PDE11A: variants seen among roughly 807,000 people sequenced by gnomAD.
The protein encoded by PDE11A is phosphodiesterase 11A, also known as dual 3',5'-cyclic-AMP and -GMP phosphodiesterase 11A.
A neutral mutation model predicts 100.5 loss-of-function variants in PDE11A; 100 were observed. The ratio of observed to expected loss-of-function variants is 1.00; its 90% confidence interval spans 0.85 to 1.18. The LOEUF is 1.18. Among genes scored for constraint, PDE11A ranks in the 50% most tolerant of loss-of-function variants. PDE11A has a pLI of 0.00. For missense variants in PDE11A, 1,141 were observed against 1,152.6 expected (o/e 0.99, Z 0.15); for synonymous variants, 381 against 420.8 (o/e 0.91, Z 1.16).
chr2:178,048,379 C>T (rs889912658), intron 1 of PDE11A, among the ~76,000 whole-genome samples: 11 of 152,018 alleles, frequency 7.2e-5, no homozygotes, highest in African/African-American at 2.2e-4. Flanking sequence ...CTCAATGTTC[C>T]GTGTATAACA....
intron 1 of PDE11A, among the ~76,000 whole-genome samples, chr2:178,107,612 G>A (rs1329483498): frequency 6.6e-6 from 1 of 151,662 alleles, no homozygotes; most frequent in Non-Finnish European, 1.5e-5. Flanking sequence ...TGTAGAAAAC[G>A]AGGCAAACAG....
At chr2:177,803,978 A>G (rs2082830400) in intron 9 of PDE11A, among the ~76,000 whole-genome samples, 1 of 151,946 alleles carries the variant, frequency 6.6e-6, no homozygotes, top group South Asian at 2.1e-4. Flanking sequence ...CTGATTAAAG[A>G]CCTAAATGTA....
chr2:177,860,227 A>G (rs952156044), intron 5 of PDE11A, among the ~76,000 whole-genome samples: 2 of 151,778 alleles, frequency 1.3e-5, no homozygotes, highest in Admixed American at 1.3e-4. Context: ...TTGCCAAAAA[A>G]AAAAAGAGAG....
intron 10 of PDE11A, among the ~76,000 whole-genome samples, chr2:177,746,894 T>C (rs966245093): frequency 3.9e-5 from 6 of 152,174 alleles, no homozygotes; most frequent in Non-Finnish European, 5.9e-5. Context: ...ACTGGGATTA[T>C]CTAACATTAG....
At chr2:178,082,678 G>A (rs2087302143) in intron 2 of PDE11A, among the ~76,000 whole-genome samples, 1 of 152,156 alleles carries the variant, frequency 6.6e-6, no homozygotes, top group Non-Finnish European at 1.5e-5. Context: ...CCTTCGTGGG[G>A]CCCACGTACA....
chr2:177,909,530 C>T (rs1182792883), intron 2 of PDE11A, among the ~76,000 whole-genome samples: 1 of 152,198 alleles, frequency 6.6e-6, no homozygotes, highest in Non-Finnish European at 1.5e-5. Flanking sequence ...CTAGCCAGCT[C>T]AAATTCCTTC....
At chr2:177,814,438 G>A (rs189837738) in intron 9 of PDE11A, among the ~76,000 whole-genome samples, 10 of 152,220 alleles carry the variant, frequency 6.6e-5, no homozygotes, top group Admixed American at 3.3e-4. Context: ...CTAGGCCAGG[G>A]AGCGGGGTGG....
At chr2:177,680,617 G>A (rs564436898) in intron 16 of PDE11A, among the ~76,000 whole-genome samples, 6 of 152,096 alleles carry the variant, frequency 3.9e-5, no homozygotes, top group African/African-American at 1.4e-4. Flanking sequence ...TAATTTTGAT[G>A]GCAGATTTTT....
chr2:178,005,156 AG>A (rs367706594), intron 2 of PDE11A, among the ~76,000 whole-genome samples: 1 of 151,536 alleles, frequency 6.6e-6, no homozygotes, highest in Non-Finnish European at 1.5e-5. Context: ...CCTGGAGTAA[AG>A]GGGAAAAAAA....
intron 1 of PDE11A, among the ~76,000 whole-genome samples, chr2:178,023,727 A>T (rs928478658): frequency 1.3e-5 from 2 of 152,232 alleles, no homozygotes; most frequent in African/African-American, 2.4e-5. Context: ...ATATGTAATG[A>T]CAAAAGCCCC....
rs924912894 is a variant in PDE11A, at chr2:177,638,318, C to A, written c.2647-8756G>T. The stretch of plus-strand genomic sequence containing the variant: ...CCAGCCTACTATATTTTTTTTACCT[C>A]AAAAATTAGCGTTTTCTTTTCTAGA... On this transcript the variant is annotated intron_variant, in intron 19 of 19. Transcript: ENST00000286063. 4.6e-5 allele frequency among the ~76,000 whole-genome samples: 7 copies of A among 151,606 alleles called. No homozygotes were observed. The East Asian group carries it at 9.7e-4, about 21-fold the overall frequency.
intron 19 of PDE11A, among the ~76,000 whole-genome samples, chr2:177,648,251 T>C (rs1445014983): frequency 6.6e-6 from 1 of 152,222 alleles, no homozygotes; most frequent in Non-Finnish European, 1.5e-5. Flanking sequence ...GTCTGTCTAC[T>C]GGAAGACCCG....
At chr2:177,845,166 G>T (rs1386754763) in intron 5 of PDE11A, among the ~76,000 whole-genome samples, 3 of 150,788 alleles carry the variant, frequency 2.0e-5, no homozygotes, top group Non-Finnish European at 4.4e-5. Context: ...CCGGGCGGGG[G>T]GCTGACCCCC....
At chr2:177,964,477 T>G (rs914994186) in intron 2 of PDE11A, among the ~76,000 whole-genome samples, 2 of 152,136 alleles carry the variant, frequency 1.3e-5, no homozygotes, top group Non-Finnish European at 2.9e-5. Flanking sequence ...TACCGGTTAT[T>G]TAATCACCCA....
intron 15 of PDE11A, among the ~76,000 whole-genome samples, chr2:177,688,712 C>T (rs1413408501): frequency 1.1e-4 from 16 of 152,226 alleles, no homozygotes; most frequent in Admixed American, 9.8e-4. Context: ...TCATCCTGCT[C>T]GCCTGACATA....
intron 10 of PDE11A, among the ~76,000 whole-genome samples, chr2:177,762,250 G>A (rs1258259199): frequency 1.3e-5 from 2 of 152,114 alleles, no homozygotes; most frequent in Admixed American, 1.3e-4. Context: ...CCAGGAGGTC[G>A]TAGCTCTGTG....
In PDE11A at chr2:178,004,169, AAGTTAGGATTACGGGTG is replaced by A. The variant is rs1391491823; in HGVS notation, c.1071+10116_1071+10132del. On this transcript the variant is annotated intron_variant, in intron 2 of 19. Transcript: ENST00000286063. ...AAGAATTTAACAGTATTATCTCTGAAAGTTAGGATTACGGGTGATACTAATTTTTCCTTTTTTTGTAT... is the reference window on the plus strand; with the variant it reads ...AAGAATTTAACAGTATTATCTCTGAAATACTAATTTTTCCTTTTTTTGTAT... 3.0e-4 allele frequency among the ~76,000 whole-genome samples: 45 copies of A among 152,222 alleles called. No homozygotes were observed. In the South Asian group the frequency reaches 4.6e-3, roughly 15 times the overall value.
chr2:178,075,444 CAG>C (rs2087195233), upstream of PDE11A, among the ~76,000 whole-genome samples: 3 of 150,072 alleles, frequency 2.0e-5, no homozygotes, highest in South Asian at 6.3e-4. Context: ...CCCAGCTACT[CAG>C]GAGGCTGAAG....
chr2:177,711,807 G>T lies in PDE11A; in HGVS notation c.2115C>A (p.Asp705Glu), dbSNP rs532206264. 3 of 1,610,120 alleles carry T rather than the reference G, an allele frequency of 1.9e-6. No individual in the cohort carries two copies. Among genetic ancestry groups the T allele is most frequent in the East Asian group, 2.2e-5 (1 of 44,824 alleles). ...LAVIVGCLCH[D>E]LDHRGTNNAF... ...CATTGTTGGTTCCCCTGTGGTCGAG[G>T]TCATGACACAGGCATCCCACAATCA... Residue 705 changes from aspartate to glutamate, a missense_variant, in exon 13 of 20, where the codon GAC becomes GAA. Coordinates refer to ENST00000286063, the MANE Select transcript of PDE11A (RefSeq NM_016953.4).
Sources: gnomAD v4.1 joint callset for allele counts (sites outside exome capture counted in the v4.1 genomes callset) on GRCh38, gnomAD v4.1.1 for gene constraint, MANE v1.5 for transcripts, NCBI Gene and HGNC (gene_info 2026-07-23, HGNC 2026-07-21) for gene names.